The following F2R variants were observed in gnomAD, a reference collection of about 807,000 sequenced individuals.
F2R encodes the protein proteinase-activated receptor 1.
A neutral mutation model predicts 18.3 loss-of-function variants in F2R; 12 were observed. The ratio of observed to expected loss-of-function variants is 0.66; its 90% CI spans 0.42 to 1.06. The LOEUF (loss-of-function observed/expected upper bound fraction) is 1.06. Among genes scored for constraint, F2R ranks in the 50% least tolerant of loss-of-function variants. F2R has a pLI of 0.00. For missense variants in F2R, 438 were observed against 530.8 expected, an observed-to-expected ratio of 0.83 and a Z score of 1.72; for synonymous variants, 210 against 219.9, an observed-to-expected ratio of 0.95 and a Z score of 0.40.
chr5:76,733,845 G>T lies in F2R; in HGVS notation c.*342G>T. ...TTATTTGCAGTGCAGTATAGAATAG[G>T]CACTTTAAAACACTCTTTCCCCGCA... is the stretch of plus-strand genomic sequence containing the variant. On this transcript the variant is annotated 3_prime_UTR_variant, in exon 2 of 2. Coordinates refer to ENST00000319211, the MANE Select transcript of F2R (RefSeq NM_001992.5). The T allele has an allele frequency of 5.1e-6, 1 of 196,200 alleles. No individual in the cohort carries two copies. The highest frequency in any genetic ancestry group is 1.0e-5 in the Non-Finnish European group (1 of 95,534). 12.2% of individuals were successfully genotyped at this position (196,200 alleles called of 1,614,324 possible).
At chr5:76,719,366 G>T (rs1748404976) in intron 1 of F2R, among the ~76,000 whole-genome samples, 1 of 152,208 alleles carries the variant, frequency 6.6e-6, no homozygotes, top group East Asian at 1.9e-4. Flanking sequence ...AAAGCAGGGG[G>T]ATCACTTGAG....
chr5:76,720,276 A>G (rs1748423326), intron 1 of F2R, among the ~76,000 whole-genome samples: 1 of 151,966 alleles, frequency 6.6e-6, no homozygotes, highest in African/African-American at 2.4e-5. Context: ...TCTCTATTAA[A>G]AAAAATAATT....
chr5:76,724,064 T>TTTTG (rs900853166), intron 1 of F2R, among the ~76,000 whole-genome samples: 5 of 152,164 alleles, frequency 3.3e-5, no homozygotes, highest in African/African-American at 9.7e-5. Flanking sequence ...CCTTCTGTTT[T>TTTTG]TTTGTTTGTT....
chr5:76,723,195 C>T lies in F2R; in HGVS notation c.88+6800C>T, dbSNP rs146160369. ...AATTCCCAAGCTTTGGGCATCATCACGTTAAGCTAGCCATTCACATGTCCA... is the reference window on the plus strand; with the variant it reads ...AATTCCCAAGCTTTGGGCATCATCATGTTAAGCTAGCCATTCACATGTCCA... On this transcript the variant is annotated intron_variant, in intron 1 of 1. Coordinates refer to ENST00000319211, the MANE Select transcript of F2R (RefSeq NM_001992.5). 1.2e-3 allele frequency among the ~76,000 whole-genome samples: 182 copies of T among 152,282 alleles called. 1 individual carries two copies. The highest frequency in any genetic ancestry group is 4.1e-3 in the African/African-American group (169 of 41,554).
intron 1 of F2R, among the ~76,000 whole-genome samples, chr5:76,726,602 G>A (rs537921703): frequency 6.6e-6 from 1 of 152,138 alleles, no homozygotes; most frequent in South Asian, 2.1e-4. Flanking sequence ...TTGGGAGGCT[G>A]AGGCAGGAGG....
chr5:76,725,463 AC>A (rs2150581663), intron 1 of F2R, among the ~76,000 whole-genome samples: 1 of 151,862 alleles, frequency 6.6e-6, no homozygotes, highest in East Asian at 1.9e-4. Flanking sequence ...AGATTTGGGC[AC>A]CTTCACAAGC....
Position 76,716,128 on chromosome 5 carries a change from C to A in F2R, c.-180C>A. ...CCCCAGTCCCGCCCCGCCCCGCTAA[C>A]CGCCCCAGACACAGCGCTCGCCGAG... On this transcript the variant is annotated 5_prime_UTR_variant, in exon 1 of 2. Coordinates refer to ENST00000319211, the MANE Select transcript of F2R (RefSeq NM_001992.5). The A allele has an allele frequency of 9.7e-6, 4 of 413,768 alleles. No individual in the cohort carries two copies. The highest frequency in any genetic ancestry group is 1.6e-5 in the Non-Finnish European group (4 of 245,700). The allele number at this position is 413,768 out of a possible 1,614,324, so 25.6% of individuals were successfully genotyped here. A position where few individuals can be genotyped will look rare whatever the true frequency, so the allele number is the denominator to read the frequency against.
In F2R at chr5:76,733,153, C is replaced by CG; in HGVS notation, c.931dup (p.Ala311GlyfsTer67). 1 of 1,614,170 alleles carries CG rather than the reference C, an allele frequency of 6.2e-7. No homozygotes were observed. Among genetic ancestry groups the CG allele is most frequent in the Non-Finnish European group, 8.5e-7 (1 of 1,180,042 alleles). On this transcript the variant is annotated frameshift_variant, in exon 2 of 2. Coordinates refer to ENST00000319211, the MANE Select transcript of F2R (RefSeq NM_001992.5). LOFTEE classifies it high-confidence loss of function. ...AGTTGCCAACCGCAGCAAGAAGTCC[C>CG]GGGCTTTGTTCCTGTCAGCTGCTGT...
In F2R at chr5:76,734,547, C is replaced by T. The variant is rs186981649; in HGVS notation, c.*1044C>T. 3.9e-4 allele frequency: 59 copies of T among 152,430 alleles called. No homozygotes were observed. Among genetic ancestry groups the T allele is most frequent in the African/African-American group, 1.3e-3 (56 of 41,562 alleles). The allele number at this position is 152,430 out of a possible 1,614,324, so 9.4% of individuals were successfully genotyped here. On this transcript the variant is annotated 3_prime_UTR_variant, in exon 2 of 2. Coordinates refer to ENST00000319211, the MANE Select transcript of F2R (RefSeq NM_001992.5). ...AAAGAAGGCATGGACTTCTGGATGC[C>T]CATCCACTGGGTGTAAACACATCTA... is the stretch of plus-strand genomic sequence containing the variant.
chr5:76,718,868 G>A (rs1264101594), intron 1 of F2R, among the ~76,000 whole-genome samples: 4 of 152,144 alleles, frequency 2.6e-5, no homozygotes, highest in African/African-American at 9.7e-5. Flanking sequence ...AGAGAACTTG[G>A]TGGGCAATTC....
intron 1 of F2R, among the ~76,000 whole-genome samples, chr5:76,720,081 ACTAT>A (rs199692577): frequency 1.4e-4 from 21 of 152,224 alleles, no homozygotes; most frequent in African/African-American, 3.1e-4. Flanking sequence ...TTTCTGCCCT[ACTAT>A]CTATCTATCT....
At position 76,716,386 on chromosome 5, in the gene F2R, C is replaced by G. The variant is rs1425539666; in HGVS notation, c.79C>G (p.Arg27Gly). The G allele has an allele frequency of 1.4e-6, 2 of 1,450,924 alleles. No homozygotes were observed. The highest frequency in any genetic ancestry group is 1.8e-6 in the Non-Finnish European group (2 of 1,105,668). 89.9% of individuals were successfully genotyped at this position (1,450,924 alleles called of 1,614,324 possible). Residue 27 changes from arginine (R) to glycine (G), a missense_variant, in exon 1 of 2, where the codon CGC (arginine) becomes GGC (glycine). Transcript: ENST00000319211. ...GPLLSARTRA[R>G]RPESKATNAT... ...GCTGTTGTCTGCCCGCACCCGGGCC[C>G]GCAGGCCAGGTGAGAGATGCACGGG... is the stretch of plus-strand genomic sequence containing the variant.
rs2227760 is a variant in F2R, at chr5:76,719,738, A to G, written c.88+3343A>G. On this transcript the variant is annotated intron_variant, in intron 1 of 1. Coordinates refer to ENST00000319211, the MANE Select transcript of F2R (RefSeq NM_001992.5). ...GTAACCCCACTGTGCTCCCTAGTAC[A>G]GTATGGATTTACCTATTTTTGATAA... 2.2e-3 allele frequency among the ~76,000 whole-genome samples: 334 copies of G among 152,330 alleles called. 2 individuals carry two copies. The highest frequency in any genetic ancestry group is 7.5e-3 in the African/African-American group (312 of 41,574).
chr5:76,725,445 A>G (rs190559890), intron 1 of F2R, among the ~76,000 whole-genome samples: 1 of 152,192 alleles, frequency 6.6e-6, no homozygotes, highest in Non-Finnish European at 1.5e-5. Flanking sequence ...ACAGAGATGA[A>G]TGATAAGAGA....
intron 1 of F2R, among the ~76,000 whole-genome samples, chr5:76,725,732 G>T (rs1173316782): frequency 6.6e-6 from 1 of 151,916 alleles, no homozygotes; most frequent in Non-Finnish European, 1.5e-5. Flanking sequence ...TTTAACCAAG[G>T]GATTATACAT....
intron 1 of F2R, among the ~76,000 whole-genome samples, chr5:76,729,325 G>T (rs921774141): frequency 2.5e-4 from 38 of 152,102 alleles, no homozygotes; most frequent in African/African-American, 9.2e-4. Context: ...TGTCTATTCA[G>T]ATCCTTTGTC....
intron 1 of F2R, among the ~76,000 whole-genome samples, chr5:76,718,464 T>C (rs1276144888): frequency 2.6e-5 from 4 of 152,214 alleles, no homozygotes; most frequent in Non-Finnish European, 4.4e-5. Context: ...TTGTCCAGGA[T>C]TACCAGCTCT....
chr5:76,729,260 TG>T (rs1429957227), intron 1 of F2R, among the ~76,000 whole-genome samples: 1 of 152,238 alleles, frequency 6.6e-6, no homozygotes, highest in Admixed American at 6.5e-5. Flanking sequence ...TGATTAGTGA[TG>T]TTGAGCATTT....
Position 76,732,855 on chromosome 5 carries a change from C to G in F2R, c.630C>G (p.Ser210=), listed in dbSNP as rs368339604. The G allele has an allele frequency of 2.2e-5, 35 of 1,614,116 alleles. No individual in the cohort carries two copies. The highest frequency in any genetic ancestry group is 1.7e-4 in the Admixed American group (10 of 60,024). The change falls in exon 2 of 2, where the codon TCC becomes TCG. Residue 210 remains serine (S), a synonymous_variant. Coordinates refer to ENST00000319211, the MANE Select transcript of F2R (RefSeq NM_001992.5). The stretch of plus-strand genomic sequence containing the variant: ...TGGCTGTGGTGTATCCCATGCAGTC[C>G]CTCTCCTGGCGTACTCTGGGAAGGG... ...RFLAVVYPMQ[S]LSWRTLGRAS...
Sources: allele counts gnomAD v4.1 joint callset (sites outside exome capture counted in the v4.1 genomes callset), GRCh38; gene constraint gnomAD v4.1.1; transcripts MANE v1.5; gene names NCBI Gene and HGNC (gene_info 2026-07-23, HGNC 2026-07-21).